INTS7: variants seen among roughly 807,000 people sequenced by gnomAD.
The protein encoded by INTS7 is integrator complex subunit 7.
INTS7 carries 46 observed loss-of-function variants against 109.2 expected under a neutral mutation model. The ratio of observed to expected loss-of-function variants is 0.42; its 90% confidence interval spans 0.33 to 0.54. The LOEUF (loss-of-function observed/expected upper bound fraction) is 0.54. Ranked by LOEUF, INTS7 falls within the 20% of genes least tolerant of loss-of-function variation. The probability of loss-of-function intolerance (pLI) is 0.07; values close to 1 mark genes in which losing one functional copy is unlikely to be tolerated. For missense variants in INTS7, 929 were observed against 1,132.4 expected (o/e 0.82, Z 2.58); for synonymous variants, 412 against 402.9 (o/e 1.02, Z -0.27).
At chr1:211,972,325 G>C (rs1053748033) in intron 13 of INTS7, among the ~76,000 whole-genome samples, 1 of 152,042 alleles carries the variant, frequency 6.6e-6, no homozygotes, top group African/African-American at 2.4e-5. Flanking sequence ...CAAGTTCCCT[G>C]GTATCCACAC....
chr1:211,966,379 A>T, intron 16 of INTS7, 51 bp downstream of exon 16: 1 of 996,556 alleles, frequency 1.0e-6, no homozygotes, highest in Non-Finnish European at 1.6e-6. Context: ...TAGGTAAGAC[A>T]ATGTATAGAA....
chr1:211,988,379 G>A (rs529698193), intron 7 of INTS7, among the ~76,000 whole-genome samples: 7 of 150,706 alleles, frequency 4.6e-5, no homozygotes, highest in African/African-American at 1.7e-4. Context: ...CCATGTTCAC[G>A]CCACTGCACT....
At chr1:211,950,282 T>C (rs892340696) in intron 17 of INTS7, among the ~76,000 whole-genome samples, 3 of 151,788 alleles carry the variant, frequency 2.0e-5, no homozygotes, top group African/African-American at 7.2e-5. Flanking sequence ...TACTTACTTA[T>C]TTATTTGAGA....
intron 4 of INTS7, among the ~76,000 whole-genome samples, chr1:212,016,006 T>C (rs1013765236): frequency 6.6e-6 from 1 of 152,156 alleles, no homozygotes. Flanking sequence ...TTATATTACA[T>C]AACCTATTAT....
chr1:211,972,706 T>C (rs912087931), intron 13 of INTS7, among the ~76,000 whole-genome samples: 1 of 152,176 alleles, frequency 6.6e-6, no homozygotes, highest in Non-Finnish European at 1.5e-5. Flanking sequence ...AGGGAGATCA[T>C]TCTGAGTGAA....
At chr1:211,993,217 C>A (rs1324208196) in intron 7 of INTS7, among the ~76,000 whole-genome samples, 1 of 152,196 alleles carries the variant, frequency 6.6e-6, no homozygotes, top group Non-Finnish European at 1.5e-5. Context: ...ATTACAAGAA[C>A]TAATTCTCAG....
At chr1:212,017,576 G>C (rs1666496446) in intron 3 of INTS7, among the ~76,000 whole-genome samples, 1 of 152,182 alleles carries the variant, frequency 6.6e-6, no homozygotes, top group Non-Finnish European at 1.5e-5. Context: ...GGAAAACACA[G>C]TCTACTTTAT....
chr1:211,957,745 CT>C (rs1663434465), intron 16 of INTS7, among the ~76,000 whole-genome samples: 1 of 152,080 alleles, frequency 6.6e-6, no homozygotes, highest in Non-Finnish European at 1.5e-5. Context: ...CTTATGGTAA[CT>C]GCTGTTTGTG....
chr1:212,007,529 T>A, intron 5 of INTS7, 80 bp from the exon 6 acceptor site: 1 of 1,111,036 alleles, frequency 9.0e-7, no homozygotes, highest in Non-Finnish European at 1.4e-6. Context: ...GTGACTCATT[T>A]AGCAAAATTG....
chr1:211,988,563 T>C (rs538181927), intron 7 of INTS7, among the ~76,000 whole-genome samples: 6 of 152,226 alleles, frequency 3.9e-5, no homozygotes, highest in Non-Finnish European at 7.4e-5. Context: ...GAATAAAGAA[T>C]GAACTTTGGT....
chr1:212,005,535 T>A (rs1378596875), intron 7 of INTS7, among the ~76,000 whole-genome samples: 2 of 152,220 alleles, frequency 1.3e-5, no homozygotes, highest in Non-Finnish European at 2.9e-5. Flanking sequence ...TACTTTTCTG[T>A]ATGTATGATC....
chr1:211,958,864 C>A (rs1266755491), intron 16 of INTS7, among the ~76,000 whole-genome samples: 1 of 152,062 alleles, frequency 6.6e-6, no homozygotes, highest in Non-Finnish European at 1.5e-5. Flanking sequence ...CCAGGTGGAA[C>A]AGCTACCACC....
At chr1:211,967,513 A>AT (rs1663947827) in intron 15 of INTS7, among the ~76,000 whole-genome samples, 1 of 151,104 alleles carries the variant, frequency 6.6e-6, no homozygotes, top group African/African-American at 2.4e-5. Context: ...AATAAAGGTG[A>AT]TAAAAACTAG....
Position 212,011,256 on chromosome 1 carries a change from T to C in INTS7, c.556+119A>G, listed in dbSNP as rs543291089. ...TAGAACAGTTTGGGCAAATAGAAGA[T>C]ACTTAATAAATATTATTTGAATGTA... is the stretch of plus-strand genomic sequence containing the variant. On this transcript the variant is annotated intron_variant, in intron 5 of 19. Transcript: ENST00000366994. 49 of 615,906 alleles carry C rather than the reference T, an allele frequency of 8.0e-5. No individual in the cohort carries two copies. In the South Asian group the frequency reaches 9.0e-4, roughly 11 times the overall value. The allele number at this position is 615,906 out of a possible 1,614,324, so 38.2% of individuals were successfully genotyped here. A position where few individuals can be genotyped will look rare whatever the true frequency, so the allele number is the denominator to read the frequency against.
At chr1:211,995,974 C>G (rs770126507) in intron 7 of INTS7, among the ~76,000 whole-genome samples, 1 of 152,128 alleles carries the variant, frequency 6.6e-6, no homozygotes, top group Admixed American at 6.6e-5. Context: ...GGTATTGCTA[C>G]AGCAGCCCAA....
intron 4 of INTS7, among the ~76,000 whole-genome samples, chr1:212,012,556 G>A (rs1400286864): frequency 1.3e-5 from 2 of 152,190 alleles, no homozygotes; most frequent in African/African-American, 4.8e-5. Context: ...AGAAGTTCGA[G>A]GCTGCAGTGA....
chr1:212,011,704 A>G (rs1391333999), intron 4 of INTS7: 5 of 315,814 alleles, frequency 1.6e-5, no homozygotes, highest in Non-Finnish European at 2.9e-5. Context: ...AGCATCTGAA[A>G]TTATTTTGTG....
intron 16 of INTS7, 129 bp downstream of exon 16, chr1:211,966,301 A>C: frequency 3.8e-6 from 2 of 522,692 alleles, no homozygotes; most frequent in South Asian, 6.2e-5. Flanking sequence ...CCCACAAAAA[A>C]TGCTGAAGAA....
chr1:212,017,017 C>A lies in INTS7; in HGVS notation c.378G>T (p.Leu126Phe). ...PVARAITLRM[L>F]GSLASIIPER... Reference sequence around the variant, plus strand: ...CAGGAATTATTGATGCCAGACTTCCCAACATCCTACAGAAACAGAGAAACC... The same window carrying A: ...CAGGAATTATTGATGCCAGACTTCCAAACATCCTACAGAAACAGAGAAACC... Residue 126 changes from leucine to phenylalanine, a missense_variant, in exon 4 of 20, where the codon TTG becomes TTT. Physicochemically the swap from Leu to Phe is conservative, Grantham distance 22. Transcript: ENST00000366994. The A allele has an allele frequency of 6.3e-7, 1 of 1,590,100 alleles. No individual in the cohort carries two copies. Among genetic ancestry groups the A allele is most frequent in the Non-Finnish European group, 8.5e-7 (1 of 1,171,094 alleles).
Sources: gnomAD v4.1 joint callset for allele counts (sites outside exome capture counted in the v4.1 genomes callset) on GRCh38, gnomAD v4.1.1 for gene constraint, MANE v1.5 for transcripts, NCBI Gene and HGNC (gene_info 2026-07-23, HGNC 2026-07-21) for gene names.